The following TENM1 variants were observed in gnomAD, a reference collection of about 807,000 sequenced individuals.
The protein encoded by TENM1 is teneurin-1.
Under a neutral mutation model 174.8 loss-of-function variants are expected in TENM1, and 35 were observed. That is an observed-to-expected ratio of 0.20 (90% CI 0.15 to 0.27). The LOEUF (loss-of-function observed/expected upper bound fraction) is 0.27, where lower values mean the gene tolerates loss of function less well. Among genes scored for constraint, TENM1 ranks in the 10% least tolerant of loss-of-function variants. TENM1 has a pLI of 1.00. For missense variants in TENM1, 1,633 were observed against 2,130.1 expected (o/e 0.77, Z 4.59); for synonymous variants, 781 against 798.7 (o/e 0.98, Z 0.37).
Position 124,422,647 on chromosome X carries a change from C to G in TENM1, c.4105-9G>C, listed in dbSNP as rs376202433. 8.3e-7 allele frequency: 1 copy of G among 1,199,446 alleles called. No individual in the cohort carries two copies. On this transcript the variant is annotated splice_polypyrimidine_tract_variant and intron_variant, in intron 23 of 31. Transcript: ENST00000422452. ...GGCCACTCTAATCGCACCTGTGAAA[C>G]GAACAGAACACATACCATTAGGTTA...
intron 3 of TENM1, among the ~76,000 whole-genome samples, chrX:124,809,121 T>C (rs1202893956): frequency 9.0e-6 from 1 of 111,380 alleles, no homozygotes; most frequent in Non-Finnish European, 1.9e-5. Flanking sequence ...AAAAAGACAT[T>C]ACAACTAGTA....
chrX:124,891,210 A>G (rs2057470615), intron 3 of TENM1, among the ~76,000 whole-genome samples: 2 of 111,396 alleles, frequency 1.8e-5, no homozygotes, highest in African/African-American at 3.3e-5. Flanking sequence ...ATATAGTAAG[A>G]TAGAATGAAT....
At chrX:124,525,706 A>G (rs1226495511) in intron 16 of TENM1, among the ~76,000 whole-genome samples, 1 of 111,951 alleles carries the variant, frequency 8.9e-6, no homozygotes, top group African/African-American at 3.2e-5. Context: ...TTTCATATAT[A>G]TCTGGGTTTG....
At chrX:124,422,822 G>A (rs781084875) in intron 23 of TENM1, among the ~76,000 whole-genome samples, 184 bp from the exon 27 acceptor site, 1 of 111,911 alleles carries the variant, frequency 8.9e-6, no homozygotes, top group South Asian at 3.8e-4. Context: ...TCTGGTAAAC[G>A]TACTTATCAT....
intron 11 of TENM1, among the ~76,000 whole-genome samples, chrX:124,638,796 G>A (rs1056580620): frequency 2.7e-5 from 3 of 111,393 alleles, no homozygotes; most frequent in Admixed American, 9.5e-5. Flanking sequence ...ACCATAGCTG[G>A]CCCCTCTGCC....
the TENM1 span, among the ~76,000 whole-genome samples, chrX:125,166,988 G>A: frequency 9.0e-6 from 1 of 111,600 alleles, no homozygotes; most frequent in African/African-American, 3.2e-5. Context: ...TGTAAAACCC[G>A]GATGCAGACA....
intron 27 of TENM1, among the ~76,000 whole-genome samples, chrX:124,398,253 A>G (rs1206928081): frequency 9.0e-6 from 1 of 110,584 alleles, no homozygotes; most frequent in East Asian, 2.9e-4. Context: ...AGTTGATCTT[A>G]AAAAGTACCA....
At chrX:124,833,500 A>G (rs1219337390) in intron 3 of TENM1, among the ~76,000 whole-genome samples, 2 of 111,624 alleles carry the variant, frequency 1.8e-5, no homozygotes, top group African/African-American at 3.3e-5. Context: ...GAAATCGTTC[A>G]TTAGCTTTCA....
intron 3 of TENM1, among the ~76,000 whole-genome samples, chrX:124,868,706 G>T (rs1391403545): frequency 9.0e-6 from 1 of 111,037 alleles, no homozygotes; most frequent in African/African-American, 3.3e-5. Flanking sequence ...CCACAGAATA[G>T]GAGAAAATAT....
intron 22 of TENM1, among the ~76,000 whole-genome samples, chrX:124,474,512 G>T (rs1299748063): frequency 8.9e-6 from 1 of 111,936 alleles, no homozygotes; most frequent in Non-Finnish European, 1.9e-5. Context: ...AAATGCAGAA[G>T]AAAAAGTCAT....
intron 4 of TENM1, among the ~76,000 whole-genome samples, chrX:124,729,122 G>A (rs1352105466): frequency 8.9e-6 from 1 of 112,025 alleles, no homozygotes; most frequent in Non-Finnish European, 1.9e-5. Flanking sequence ...TGAATGCCTC[G>A]CTGTGCAGGA....
rs770623662 is a variant in TENM1, at chrX:124,487,357, T to A, written c.3696-128A>T. 26 of 568,104 alleles carry A rather than the reference T, an allele frequency of 4.6e-5. 1 individual carries two copies. Among genetic ancestry groups the A allele is most frequent in the Non-Finnish European group, 6.1e-5 (22 of 358,136 alleles). 46.8% of individuals were successfully genotyped at this position (568,104 alleles called of 1,213,427 possible). On this transcript the variant is annotated intron_variant, in intron 20 of 31. Transcript: ENST00000422452. ...CAGATTGCGGCATTTAGAGAGACTC[T>A]ATGGGGATCATTTAGTCAGGCGTGC... is the stretch of plus-strand genomic sequence containing the variant.
At chrX:125,017,494 T>C in the TENM1 span, among the ~76,000 whole-genome samples, 4 of 111,735 alleles carry the variant, frequency 3.6e-5, no homozygotes, top group Admixed American at 3.8e-4. Flanking sequence ...ACCAGAAACA[T>C]CATTTGACCC....
chrX:124,483,884 C>T (rs1447810674), intron 21 of TENM1, among the ~76,000 whole-genome samples: 1 of 111,885 alleles, frequency 8.9e-6, no homozygotes, highest in Admixed American at 9.5e-5. Flanking sequence ...TGTGTCTTAG[C>T]AGCACCTATT....
intron 3 of TENM1, among the ~76,000 whole-genome samples, chrX:124,871,161 C>G (rs1403995123): frequency 2.7e-5 from 3 of 111,860 alleles, no homozygotes; most frequent in African/African-American, 9.8e-5. Context: ...CCTTCCTCCT[C>G]CCCTGTTTGG....
At chrX:124,379,064 A>T (rs2147556066) in exon 32 of TENM1, 1 of 112,329 alleles carries the variant, frequency 8.9e-6, no homozygotes, top group African/African-American at 3.2e-5. Context: ...GTCACTGGGC[A>T]CAAATCTTCC....
chrX:124,485,468 G>T (rs2147946064), intron 21 of TENM1, among the ~76,000 whole-genome samples: 1 of 111,228 alleles, frequency 9.0e-6, no homozygotes, highest in South Asian at 3.8e-4. Flanking sequence ...TTTCCAATGT[G>T]CTCAGATCTT....
chrX:125,190,666 G>C, the TENM1 span, among the ~76,000 whole-genome samples: 1 of 110,685 alleles, frequency 9.0e-6, no homozygotes, highest in Non-Finnish European at 1.9e-5. Context: ...AAGAAAAATG[G>C]GTTTATTATC....
At chrX:125,154,855 C>G in the TENM1 span, among the ~76,000 whole-genome samples, 1 of 109,806 alleles carries the variant, frequency 9.1e-6, no homozygotes, top group Non-Finnish European at 1.9e-5. Context: ...CCGGTGCGTT[C>G]GTGGTCTCGC....
Sources: gnomAD v4.1 joint callset for allele counts (sites outside exome capture counted in the v4.1 genomes callset) on GRCh38, gnomAD v4.1.1 for gene constraint, MANE v1.5 for transcripts, NCBI Gene and HGNC (gene_info 2026-07-23, HGNC 2026-07-21) for gene names.